Variants in PSMA1 observed in about 807,000 individuals in gnomAD.
PSMA1 encodes the protein proteasome 20S subunit alpha 1.
PSMA1 carries 3 observed loss-of-function variants against 38.4 expected under a neutral mutation model. The ratio of observed to expected loss-of-function variants is 0.08; its 90% CI spans 0.04 to 0.20. The LOEUF (loss-of-function observed/expected upper bound fraction) is 0.20. PSMA1 is among the 10% of genes least tolerant of loss of function. The pLI is 1.00. For missense variants in PSMA1, 227 were observed against 325.3 expected (o/e 0.70, Z 2.32); for synonymous variants, 101 against 107.1 (o/e 0.94, Z 0.35).
chr11:14,591,851 T>C (rs886289531), intron 2 of PSMA1, among the ~76,000 whole-genome samples: 5 of 152,130 alleles, frequency 3.3e-5, no homozygotes, highest in Non-Finnish European at 7.4e-5. Context: ...CAGCCAGCAG[T>C]GGCAACCCGC....
chr11:14,521,679 T>A (rs570861688), upstream of PSMA1, among the ~76,000 whole-genome samples: 1 of 149,242 alleles, frequency 6.7e-6, no homozygotes, highest in Non-Finnish European at 1.5e-5. Context: ...GGCAGGAGAA[T>A]CGCTTGAACC....
intron 1 of PSMA1, among the ~76,000 whole-genome samples, chr11:14,621,978 G>C (rs1307807497): frequency 6.6e-6 from 1 of 152,136 alleles, no homozygotes; most frequent in Non-Finnish European, 1.5e-5. Flanking sequence ...AGGGTCATCA[G>C]CTAAATCAAC....
chr11:14,544,510 G>T (rs1193066510), intron 2 of PSMA1, among the ~76,000 whole-genome samples: 1 of 152,038 alleles, frequency 6.6e-6, no homozygotes, highest in African/African-American at 2.4e-5. Context: ...ATGGGCTAAG[G>T]TTTTATTTAT....
intron 2 of PSMA1, among the ~76,000 whole-genome samples, chr11:14,560,395 A>G (rs146344960): frequency 6.6e-6 from 1 of 152,256 alleles, no homozygotes; most frequent in African/African-American, 2.4e-5. Context: ...CCTGTTCTAC[A>G]ACCCATTTTA....
At chr11:14,601,824 A>G (rs1466129) in intron 2 of PSMA1, among the ~76,000 whole-genome samples, 20,772 of 152,210 alleles carry the variant, frequency 0.14, 1,943 homozygotes, top group African/African-American at 0.27. Flanking sequence ...ACCTATGTAC[A>G]TAACAATTTT....
At chr11:14,566,333 G>A (rs753240853) in intron 2 of PSMA1, among the ~76,000 whole-genome samples, 32 of 152,164 alleles carry the variant, frequency 2.1e-4, no homozygotes, top group Non-Finnish European at 3.4e-4. Flanking sequence ...GGTAGCAGTG[G>A]GAGCAATGAG....
intron 2 of PSMA1, among the ~76,000 whole-genome samples, chr11:14,551,420 C>T (rs909557401): frequency 2.0e-5 from 3 of 151,980 alleles, no homozygotes; most frequent in Non-Finnish European, 4.4e-5. Context: ...GCAGAATTGG[C>T]CTGTTATTTG....
intron 1 of PSMA1, among the ~76,000 whole-genome samples, chr11:14,623,559 G>C (rs898521379): frequency 2.0e-5 from 3 of 152,156 alleles, no homozygotes; most frequent in Non-Finnish European, 4.4e-5. Flanking sequence ...CTGGGGTAGA[G>C]GTATGCAGGT....
chr11:14,570,250 G>C (rs769239923), intron 2 of PSMA1, among the ~76,000 whole-genome samples: 23 of 152,324 alleles, frequency 1.5e-4, no homozygotes, highest in Admixed American at 6.5e-4. Flanking sequence ...AAACCACAAA[G>C]ATGGGGAGAA....
chr11:14,509,763 G>A (rs1360565989), intron 8 of PSMA1, among the ~76,000 whole-genome samples: 1 of 136,600 alleles, frequency 7.3e-6, no homozygotes, highest in Non-Finnish European at 1.5e-5. Flanking sequence ...CGCCCAGGCT[G>A]GACAGGCTGG....
intron 1 of PSMA1, among the ~76,000 whole-genome samples, chr11:14,611,563 A>G (rs1432121298): frequency 6.6e-6 from 1 of 152,208 alleles, no homozygotes; most frequent in Admixed American, 6.5e-5. Context: ...GTAAAACTCT[A>G]TGCCTTAAAC....
chr11:14,507,606 G>T, intron 9 of PSMA1, 50 bp downstream of exon 9: 1 of 1,267,710 alleles, frequency 7.9e-7, no homozygotes, highest in Non-Finnish European at 1.1e-6. Context: ...GTTGTGGTAA[G>T]AACAGCAGCT....
intron 2 of PSMA1, among the ~76,000 whole-genome samples, chr11:14,591,139 T>A (rs1852408849): frequency 6.6e-6 from 1 of 152,130 alleles, no homozygotes; most frequent in Admixed American, 6.5e-5. Context: ...ATGGGCTTGG[T>A]GGGCCTGCAC....
intron 2 of PSMA1, among the ~76,000 whole-genome samples, chr11:14,576,203 T>C (rs1260049019): frequency 6.6e-6 from 1 of 152,158 alleles, no homozygotes; most frequent in East Asian, 1.9e-4. Flanking sequence ...GGGTAGATTG[T>C]AAAAATTTTC....
At chr11:14,543,980 A>C (rs947960330) in intron 2 of PSMA1, among the ~76,000 whole-genome samples, 1 of 152,224 alleles carries the variant, frequency 6.6e-6, no homozygotes, top group Non-Finnish European at 1.5e-5. Flanking sequence ...TAACTTCTTA[A>C]ATATGACATC....
intron 2 of PSMA1, among the ~76,000 whole-genome samples, chr11:14,546,609 C>T (rs947272540): frequency 4.0e-5 from 6 of 151,864 alleles, no homozygotes; most frequent in Admixed American, 3.3e-4. Flanking sequence ...GGCTAATTTT[C>T]GTATTTTTAG....
chr11:14,517,706 G>T lies in PSMA1; in HGVS notation c.190C>A (p.Leu64Ile). The change falls in exon 4 of 10, where the codon CTC (leucine) becomes ATC (isoleucine). Residue 64 changes from leucine to isoleucine, a missense_variant. Coordinates refer to ENST00000396394, the MANE Select transcript of PSMA1 (RefSeq NM_002786.4). ...ATACCAATATGGTTGTCAACATGGA[G>T]AATTTTTTTCTGATGAGCTGCAAGC... Reference protein sequence around the residue: ...SELAAHQKKILHVDNHIGISI... With the variant: ...SELAAHQKKIIHVDNHIGISI... The T allele has an allele frequency of 2.5e-6, 4 of 1,608,082 alleles. No homozygotes were observed. Among genetic ancestry groups the T allele is most frequent in the Non-Finnish European group, 3.4e-6 (4 of 1,178,944 alleles).
At chr11:14,629,601 T>C (rs1309389814) in intron 1 of PSMA1, among the ~76,000 whole-genome samples, 2 of 152,234 alleles carry the variant, frequency 1.3e-5, no homozygotes, top group Non-Finnish European at 2.9e-5. Flanking sequence ...TCAGGTAGTG[T>C]GATGCCTCCA....
At chr11:14,612,473 C>A (rs984651574) in intron 1 of PSMA1, among the ~76,000 whole-genome samples, 5 of 151,606 alleles carry the variant, frequency 3.3e-5, no homozygotes, top group Admixed American at 6.6e-5. Context: ...AGGAAAGAGA[C>A]ATTTAATTAT....
Sources: gnomAD v4.1 joint callset for allele counts (sites outside exome capture counted in the v4.1 genomes callset) on GRCh38, gnomAD v4.1.1 for gene constraint, MANE v1.5 for transcripts, NCBI Gene and HGNC (gene_info 2026-07-23, HGNC 2026-07-21) for gene names.